The following IDH1 variants were observed in gnomAD, a reference collection of about 807,000 sequenced individuals.
The protein encoded by IDH1 is isocitrate dehydrogenase (NADP(+)) 1.
Under a neutral mutation model 46.1 loss-of-function variants are expected in IDH1, and 33 were observed. The ratio of observed to expected loss-of-function variants is 0.72; its 90% CI spans 0.54 to 0.96. The LOEUF is 0.96. Among genes scored for constraint, IDH1 ranks in the 40% least tolerant of loss-of-function variants. The pLI, the probability that IDH1 is intolerant of heterozygous loss-of-function variation, is 0.00. For synonymous variants in IDH1, 144 were observed against 172.8 expected, an observed-to-expected ratio of 0.83 and a Z score of 1.31; for missense variants, 421 against 515.7, an observed-to-expected ratio of 0.82 and a Z score of 1.78.
chr2:208,251,803 C>T (rs1688130533), intron 2 of IDH1, among the ~76,000 whole-genome samples: 1 of 152,040 alleles, frequency 6.6e-6, no homozygotes, highest in Admixed American at 6.6e-5. Context: ...TCTGAGCTAG[C>T]CCTCATAACA....
intron 4 of IDH1, chr2:208,247,593 A>T (rs975767698): frequency 6.6e-6 from 1 of 152,246 alleles, no homozygotes; most frequent in Non-Finnish European, 1.5e-5. Flanking sequence ...ATGCCACCCC[A>T]CTCAGCTTCG....
intron 9 of IDH1, among the ~76,000 whole-genome samples, chr2:208,238,685 CTTAAAA>C (rs1687862842): frequency 6.6e-6 from 1 of 152,182 alleles, no homozygotes; most frequent in African/African-American, 2.4e-5. Flanking sequence ...TAATCTGCTT[CTTAAAA>C]TTAAATAGAA....
chr2:208,239,080 C>A lies in IDH1; in HGVS notation c.1145G>T (p.Gly382Val), dbSNP rs2124847105. Residue 382 changes from glycine (G) to valine (V), a missense_variant, in exon 9 of 10, where the codon GGT (glycine) becomes GTT (valine). Gly to Val is a moderately radical substitution (Grantham distance 109). Transcript: ENST00000345146. ...MTKDLAACIKGLPNVQRSDYL... is the reference protein window; with the variant it reads ...MTKDLAACIKVLPNVQRSDYL... Reference sequence around the variant, plus strand: ...GGCATCTTATACTTACTTGGGTAAACCTTTAATGCAAGCAGCCAAGTCCTT... The same window carrying A: ...GGCATCTTATACTTACTTGGGTAAAACTTTAATGCAAGCAGCCAAGTCCTT... 6.2e-7 allele frequency: 1 copy of A among 1,613,824 alleles called. No individual in the cohort carries two copies. Among genetic ancestry groups the A allele is most frequent in the Non-Finnish European group, 8.5e-7 (1 of 1,179,784 alleles).
chr2:208,240,513 G>A (rs556946531), intron 7 of IDH1, among the ~76,000 whole-genome samples: 3 of 152,008 alleles, frequency 2.0e-5, no homozygotes, highest in Non-Finnish European at 4.4e-5. Context: ...AAAGATGGAC[G>A]AGAGCTGTCT....
rs1006574647 is a variant in IDH1 at position 208,236,303 on chromosome 2, G to A, written c.*776C>T. 9.0e-6 allele frequency: 2 copies of A among 222,242 alleles called. No homozygotes were observed. Among genetic ancestry groups the A allele is most frequent in the African/African-American group, 2.2e-5 (1 of 44,656 alleles). The allele number at this position is 222,242 out of a possible 1,614,324, so 13.8% of individuals were successfully genotyped here. A position where few individuals can be genotyped will look rare whatever the true frequency, so the allele number is the denominator to read the frequency against. ...AAGATAGTGTTTAATATCAATTTCT[G>A]AGAAATCACATTTATATAAAAGAAA... On this transcript the variant is annotated 3_prime_UTR_variant, in exon 10 of 10. Transcript: ENST00000345146.
chr2:208,243,110 G>A (rs561739952), intron 6 of IDH1, among the ~76,000 whole-genome samples: 2 of 152,280 alleles, frequency 1.3e-5, no homozygotes, highest in South Asian at 4.1e-4. Context: ...GAATGGAAAT[G>A]GGTCTGACTT....
intron 2 of IDH1, 114 bp from the exon 3 acceptor site, chr2:208,251,681 G>C: frequency 1.3e-6 from 1 of 795,236 alleles, no homozygotes; most frequent in Non-Finnish European, 2.0e-6. Flanking sequence ...AACAATTCAT[G>C]CAATTCAATT....
At chr2:208,252,636 A>C (rs1375764251) in intron 2 of IDH1, among the ~76,000 whole-genome samples, 1 of 152,248 alleles carries the variant, frequency 6.6e-6, no homozygotes, top group Non-Finnish European at 1.5e-5. Context: ...TAAAAAAGTC[A>C]AGAGAATTGA....
Position 208,239,252 on chromosome 2 carries a change from AAC to A in IDH1, c.992-21_992-20del. 1 of 1,613,408 alleles carries A rather than the reference AAC, an allele frequency of 6.2e-7. No homozygotes were observed. The highest frequency in any genetic ancestry group is 8.5e-7 in the Non-Finnish European group (1 of 1,179,492). On this transcript the variant is annotated intron_variant, in intron 8 of 9. Transcript: ENST00000345146. The stretch of plus-strand genomic sequence containing the variant: ...ATGGAAGCTAAAAGAGGGGAAAAAA[AAC>A]ACAACACTCCAATCATCCTAGTTAT...
intron 3 of IDH1, among the ~76,000 whole-genome samples, chr2:208,250,810 T>A (rs1688109170): frequency 6.6e-6 from 1 of 152,164 alleles, no homozygotes; most frequent in South Asian, 2.1e-4. Context: ...GCACTACAAT[T>A]GTATGAAAAG....
At chr2:208,249,366 T>G (rs1259387483) in intron 3 of IDH1, among the ~76,000 whole-genome samples, 2 of 152,190 alleles carry the variant, frequency 1.3e-5, no homozygotes, top group African/African-American at 4.8e-5. Flanking sequence ...ATTCCTTCTG[T>G]AATTCTTGAG....
In IDH1 at chr2:208,245,334, C is replaced by T; in HGVS notation, c.505G>A (p.Val169Ile). Residue 169 changes from valine (V) to isoleucine (I), a missense_variant, in exon 5 of 10, where the codon GTA becomes ATA. Coordinates refer to ENST00000345146, the MANE Select transcript of IDH1 (RefSeq NM_005896.4). ...TCATACATACCTTCAAAGTTATGTA[C>T]CAGGTATGTCACCTTTTGGGTTCCG... Reference protein sequence around the residue: ...SDGTQKVTYLVHNFEEGGGVA... With the variant: ...SDGTQKVTYLIHNFEEGGGVA... 6.3e-7 allele frequency: 1 copy of T among 1,579,778 alleles called. No homozygotes were observed. Among genetic ancestry groups the T allele is most frequent in the Non-Finnish European group, 8.7e-7 (1 of 1,150,130 alleles).
intron 5 of IDH1, 108 bp from the exon 6 acceptor site, chr2:208,243,712 C>G: frequency 5.8e-6 from 5 of 867,740 alleles, no homozygotes; most frequent in Non-Finnish European, 9.4e-6. Context: ...CTTCTCAGCT[C>G]TCACATCTGA....
At chr2:208,246,920 G>A (rs1485189868) in intron 4 of IDH1, among the ~76,000 whole-genome samples, 1 of 152,178 alleles carries the variant, frequency 6.6e-6, no homozygotes, top group Admixed American at 6.5e-5. Context: ...TCCAGCCTGG[G>A]CGACAGAGCG....
At chr2:208,242,719 A>G (rs1165463610) in intron 6 of IDH1, among the ~76,000 whole-genome samples, 1 of 152,170 alleles carries the variant, frequency 6.6e-6, no homozygotes, top group Non-Finnish European at 1.5e-5. Context: ...ACTTAAGTTC[A>G]AATGACTCCA....
At chr2:208,243,637 G>A in intron 5 of IDH1, 33 bp from the exon 6 acceptor site, 1 of 1,556,920 alleles carries the variant, frequency 6.4e-7, no homozygotes, top group Non-Finnish European at 8.9e-7. Flanking sequence ...AGGAAAAAAG[G>A]GAGAAGAATA....
At chr2:208,245,170 T>C in intron 5 of IDH1, 149 bp downstream of exon 5, 1 of 615,228 alleles carries the variant, frequency 1.6e-6, no homozygotes, top group South Asian at 2.0e-5. Context: ...GCAAATTACT[T>C]CTTTATGTCA....
Position 208,237,151 on chromosome 2 carries a change from G to A in IDH1, c.1173C>T (p.Tyr391=). The stretch of plus-strand genomic sequence containing the variant: ...TATCCATGAACTCAAATGTATTCAA[G>A]TAGTCAGAACGTTGCACACTAACGG... ...KGLPNVQRSD[Y]LNTFEFMDKL... is the part of the protein sequence containing the mutation. The change falls in exon 10 of 10, where the codon TAC becomes TAT. Residue 391 remains tyrosine (Y), a synonymous_variant. Transcript: ENST00000345146. The A allele has an allele frequency of 1.2e-6, 2 of 1,603,650 alleles. No individual in the cohort carries two copies. The highest frequency in any genetic ancestry group is 8.5e-7 in the Non-Finnish European group (1 of 1,173,464).
intron 6 of IDH1, among the ~76,000 whole-genome samples, chr2:208,242,953 T>A (rs1381153733): frequency 6.6e-6 from 1 of 151,662 alleles, no homozygotes; most frequent in East Asian, 1.9e-4. Flanking sequence ...TTTAGTAGAG[T>A]CAGGGTTTCA....
Sources: allele counts gnomAD v4.1 joint callset (sites outside exome capture counted in the v4.1 genomes callset), GRCh38; gene constraint gnomAD v4.1.1; transcripts MANE v1.5; gene names NCBI Gene and HGNC (gene_info 2026-07-23, HGNC 2026-07-21).